Variants in DYNC1H1 observed in about 807,000 individuals in gnomAD.
The protein encoded by DYNC1H1 is cytoplasmic dynein 1 heavy chain 1.
A neutral mutation model predicts 527.1 loss-of-function variants in DYNC1H1; 51 were observed. The observed-to-expected ratio is 0.10, with a 90% CI of 0.08 to 0.12. DYNC1H1 has a LOEUF of 0.12. Among genes scored for constraint, DYNC1H1 ranks in the 10% least tolerant of loss-of-function variants. DYNC1H1 has a pLI of 1.00. For missense variants in DYNC1H1, 2,771 were observed against 5,971.8 expected, an observed-to-expected ratio of 0.46 and a Z score of 17.66; for synonymous variants, 2,189 against 2,278.8, an observed-to-expected ratio of 0.96 and a Z score of 1.12.
rs1260363862 is a variant in DYNC1H1 at position 102,015,725 on chromosome 14, A to G, written c.7243-131A>G. On this transcript the variant is annotated intron_variant, in intron 35 of 77. Coordinates refer to ENST00000360184, the MANE Select transcript of DYNC1H1 (RefSeq NM_001376.5). The surrounding 1 kb of genome is among the most constrained non-coding windows in gnomAD (Gnocchi z 6.9). Reference sequence around the variant, plus strand: ...GAACCACCAGGGTGAAGGAATGAGGACTGGTCATTGAAGCTTCATCCAAAA... The same window carrying G: ...GAACCACCAGGGTGAAGGAATGAGGGCTGGTCATTGAAGCTTCATCCAAAA... 1 of 1,020,512 alleles carries G rather than the reference A, an allele frequency of 9.8e-7. No homozygotes were observed. Among genetic ancestry groups the G allele is most frequent in the African/African-American group, 1.6e-5 (1 of 63,084 alleles). 63.2% of individuals were successfully genotyped at this position (1,020,512 alleles called of 1,614,324 possible).
At chr14:101,968,985 G>A (rs1169454183) in intron 1 of DYNC1H1, among the ~76,000 whole-genome samples, 1 of 152,120 alleles carries the variant, frequency 6.6e-6, no homozygotes, top group African/African-American at 2.4e-5. Context: ...GTGGAAAATT[G>A]TACTATTGGC....
intron 4 of DYNC1H1, among the ~76,000 whole-genome samples, 156 bp from the exon 5 acceptor site, chr14:101,980,208 A>C (rs367786667): frequency 6.6e-6 from 1 of 152,244 alleles, no homozygotes; most frequent in Non-Finnish European, 1.5e-5. Flanking sequence ...CAGCAGTCGT[A>C]TACCTTTGAT....
intron 18 of DYNC1H1, 174 bp downstream of exon 18, chr14:102,000,573 CTTTTTT>C (rs11381677): frequency 3.6e-5 from 15 of 420,126 alleles, no homozygotes; most frequent in East Asian, 1.1e-4. Context: ...ATTTTGAAAC[CTTTTTT>C]TTTTTTTTTT....
chr14:102,030,055 AGAGTGT>A, intron 50 of DYNC1H1, 101 bp from the exon 51 acceptor site: 1 of 1,561,046 alleles, frequency 6.4e-7, no homozygotes, highest in South Asian at 1.1e-5. Flanking sequence ...GGAGGGAGAG[AGAGTGT>A]GTGTGTGTGT....
At chr14:101,971,085 CTTTTTTTTTTTTTTTT>C (rs780745783) in intron 1 of DYNC1H1, among the ~76,000 whole-genome samples, 3 of 64,072 alleles carry the variant, frequency 4.7e-5, no homozygotes, top group Admixed American at 2.1e-4. Flanking sequence ...CCGTATCATT[CTTTTTTTTTTTTTTTT>C]TTTTTTTTTT....
Position 102,039,475 on chromosome 14 carries a change from G to A in DYNC1H1, c.11524G>A (p.Glu3842Lys). 2 of 1,614,188 alleles carry A rather than the reference G, an allele frequency of 1.2e-6. No individual in the cohort carries two copies. The highest frequency in any genetic ancestry group is 1.7e-6 in the Non-Finnish European group (2 of 1,180,048). The change falls in exon 61 of 78, where the codon GAG becomes AAG. Residue 3842 changes from glutamate to lysine, a missense_variant. Glu to Lys is a moderately conservative substitution (Grantham distance 56, BLOSUM62 1). Transcript: ENST00000360184. The surrounding 1 kb of genome is among the most constrained non-coding windows in gnomAD (Gnocchi z 7.0). ...GGACATTTATCACAACGTCCTATAC[G>A]AGAACCCGAACCTGAAGGGTGTCAC... is the stretch of plus-strand genomic sequence containing the variant. ...FLDIYHNVLY[E>K]NPNLKGVTDH...
chr14:102,017,150 C>G lies in DYNC1H1; in HGVS notation c.7911C>G (p.His2637Gln). 2 of 1,614,248 alleles carry G rather than the reference C, an allele frequency of 1.2e-6. No homozygotes were observed. Among genetic ancestry groups the G allele is most frequent in the Non-Finnish European group, 1.7e-6 (2 of 1,180,052 alleles). ...TPELLLKTFD[H>Q]YCEYRRTPNG... Reference sequence around the variant, plus strand: ...AGCTGCTTCTGAAGACTTTTGATCACTACTGCGAGTACAGGCGCACACCTA... The same window carrying G: ...AGCTGCTTCTGAAGACTTTTGATCAGTACTGCGAGTACAGGCGCACACCTA... The change falls in exon 39 of 78, where the codon CAC (histidine) becomes CAG (glutamine). Residue 2637 changes from histidine (H) to glutamine (Q), a missense_variant. Coordinates refer to ENST00000360184, the MANE Select transcript of DYNC1H1 (RefSeq NM_001376.5). This position sits in a 1 kb window ranked among gnomAD's most constrained non-coding sequence, Gnocchi z 4.6.
intron 57 of DYNC1H1, chr14:102,037,990 G>A (rs1164644896): frequency 6.5e-6 from 2 of 306,310 alleles, no homozygotes; most frequent in South Asian, 3.1e-5. Flanking sequence ...CCCATGGCTA[G>A]TGTGACTAGG....
In DYNC1H1 at chr14:102,015,347, G is replaced by T; in HGVS notation, c.7242+15G>T. 6.2e-7 allele frequency: 1 copy of T among 1,602,086 alleles called. No individual in the cohort carries two copies. The highest frequency in any genetic ancestry group is 1.1e-5 in the South Asian group (1 of 89,700). On this transcript the variant is annotated intron_variant, in intron 35 of 77. Coordinates refer to ENST00000360184, the MANE Select transcript of DYNC1H1 (RefSeq NM_001376.5). The surrounding 1 kb of genome is among the most constrained non-coding windows in gnomAD (Gnocchi z 6.9). ...CCATGCTGCAGGTACGCCCAGGTGG[G>T]ACCCCACATATCATGACCTGAGGGT...
At position 102,055,554 on chromosome 14, in the gene DYNC1H1, AC is replaced by A. The variant is rs2048867702; in HGVS notation, c.*4997del. 6.7e-6 allele frequency: 1 copy of A among 150,158 alleles called. No homozygotes were observed. Among genetic ancestry groups the A allele is most frequent in the Non-Finnish European group, 1.5e-5 (1 of 67,542 alleles). The allele number at this position is 150,158 out of a possible 1,614,324, so 9.3% of individuals were successfully genotyped here. ...ACTGCCCTCCGGACATCTGTTCAGCACCCCCCTCGACCTGGCCAAGGCTCCA... is the reference window on the plus strand; with the variant it reads ...ACTGCCCTCCGGACATCTGTTCAGCACCCCCTCGACCTGGCCAAGGCTCCA... On this transcript the variant is annotated 3_prime_UTR_variant, in exon 78 of 78. Transcript: ENST00000360184.
chr14:102,020,201 C>A lies in DYNC1H1; in HGVS notation c.8507+145C>A. 2 of 1,155,662 alleles carry A rather than the reference C, an allele frequency of 1.7e-6. No homozygotes were observed. The highest frequency in any genetic ancestry group is 2.5e-6 in the Non-Finnish European group (2 of 801,380). 71.6% of individuals were successfully genotyped at this position (1,155,662 alleles called of 1,614,324 possible). A position where few individuals can be genotyped will look rare whatever the true frequency, so the allele number is the denominator to read the frequency against. ...GTGGAAGGAGCAGAGTCAGCCAGGG[C>A]AGCCTCCCGTCTGGACACTGGTCAC... On this transcript the variant is annotated intron_variant, in intron 42 of 77. Transcript: ENST00000360184. The surrounding 1 kb of genome is among the most constrained non-coding windows in gnomAD (Gnocchi z 4.3).
Position 101,986,374 on chromosome 14 carries a change from A to T in DYNC1H1, c.2149A>T (p.Ile717Phe). The change falls in exon 8 of 78, where the codon ATT (isoleucine) becomes TTT (phenylalanine). Residue 717 changes from isoleucine to phenylalanine, a missense_variant. Physicochemically the swap from Ile to Phe is conservative, Grantham distance 21. Coordinates refer to ENST00000360184, the MANE Select transcript of DYNC1H1 (RefSeq NM_001376.5). The surrounding 1 kb of genome is among the most constrained non-coding windows in gnomAD (Gnocchi z 8.7). ...GCGCAACCTCGGTGTCTCGGGGCGC[A>T]TTTTCACCATCGAAAGTACTCGGGT... ...QQRNLGVSGR[I>F]FTIESTRVRG... The T allele has an allele frequency of 6.2e-7, 1 of 1,614,108 alleles. No individual in the cohort carries two copies. The highest frequency in any genetic ancestry group is 8.5e-7 in the Non-Finnish European group (1 of 1,179,994).
rs1410521732 is a variant in DYNC1H1, at chr14:102,011,964, C to G, written c.6708C>G (p.Val2236=). ...GTGGGAAGAGCATGGCCTGGCGTGT[C>G]CTGCTGAAGGCATTGGAGAGACTCG... The part of the protein sequence containing the change: ...SGSGKSMAWR[V]LLKALERLEG... Residue 2236 remains valine, a synonymous_variant, in exon 33 of 78, where the codon GTC becomes GTG. Transcript: ENST00000360184. This position sits in a 1 kb window ranked among gnomAD's most constrained non-coding sequence, Gnocchi z 5.3. The G allele has an allele frequency of 6.2e-7, 1 of 1,614,064 alleles. No homozygotes were observed. The highest frequency in any genetic ancestry group is 1.1e-5 in the South Asian group (1 of 91,074).
At chr14:101,998,686 G>A (rs1005827831) in intron 16 of DYNC1H1, among the ~76,000 whole-genome samples, 2 of 152,056 alleles carry the variant, frequency 1.3e-5, no homozygotes, top group Admixed American at 1.3e-4. Flanking sequence ...GGCCCCTGCA[G>A]GTTCTACTGT....
At chr14:102,043,490 A>C (rs1210717786) in intron 69 of DYNC1H1, 25 of 349,910 alleles carry the variant, frequency 7.1e-5, no homozygotes, top group Non-Finnish European at 1.7e-5. Context: ...CCCCCAGCAC[A>C]GGCCCCCAAG....
chr14:101,975,866 T>G (rs571021227), intron 2 of DYNC1H1, 67 bp downstream of exon 2: 132 of 1,301,452 alleles, frequency 1.0e-4, no homozygotes, highest in Non-Finnish European at 1.4e-4. Flanking sequence ...GAATCTTTTT[T>G]CTTTTCAAAC....
At position 102,015,722 on chromosome 14, in the gene DYNC1H1, AGGACT is replaced by A; in HGVS notation, c.7243-131_7243-127del. The A allele has an allele frequency of 1.0e-6, 1 of 1,003,818 alleles. No homozygotes were observed. The highest frequency in any genetic ancestry group is 1.4e-5 in the South Asian group (1 of 71,156). 62.2% of individuals were successfully genotyped at this position (1,003,818 alleles called of 1,614,324 possible). On this transcript the variant is annotated intron_variant, in intron 35 of 77. Transcript: ENST00000360184. This position sits in a 1 kb window ranked among gnomAD's most constrained non-coding sequence, Gnocchi z 6.9. ...TGAGAACCACCAGGGTGAAGGAATG[AGGACT>A]GGTCATTGAAGCTTCATCCAAAATG...
chr14:102,050,449 C>G lies in DYNC1H1; in HGVS notation c.13827C>G (p.Val4609=), dbSNP rs752364441. ...TGCTTCTGCAGGTAACCTTACCTGTCTACCTGAACTTCACCCGTGCAGACC... is the reference window on the plus strand; with the variant it reads ...TGCTTCTGCAGGTAACCTTACCTGTGTACCTGAACTTCACCCGTGCAGACC... The part of the protein sequence containing the change: ...EKKASVVTLP[V]YLNFTRADLI... Residue 4609 remains valine (V), a synonymous_variant, in exon 78 of 78, where the codon GTC becomes GTG. Transcript: ENST00000360184. The G allele has an allele frequency of 2.2e-5, 35 of 1,614,090 alleles. No individual in the cohort carries two copies. The highest frequency in any genetic ancestry group is 3.0e-5 in the Non-Finnish European group (35 of 1,180,046).
Position 102,042,464 on chromosome 14 carries a change from A to G in DYNC1H1, c.12356A>G (p.His4119Arg). The G allele has an allele frequency of 6.2e-7, 1 of 1,614,136 alleles. No individual in the cohort carries two copies. The highest frequency in any genetic ancestry group is 8.5e-7 in the Non-Finnish European group (1 of 1,180,034). Residue 4119 changes from histidine (H) to arginine (R), a missense_variant, in exon 68 of 78, where the codon CAT (histidine) becomes CGT (arginine). Coordinates refer to ENST00000360184, the MANE Select transcript of DYNC1H1 (RefSeq NM_001376.5). The surrounding 1 kb of genome is among the most constrained non-coding windows in gnomAD (Gnocchi z 5.7). ...AAGAAGTTGCATTCCCTGCAGCCGC[A>G]TGCCTGCTTCCGACTCTTCCTCACC... ...LEKKLHSLQP[H>R]ACFRLFLTME...
Sources: gnomAD v4.1 joint callset for allele counts (sites outside exome capture counted in the v4.1 genomes callset) on GRCh38, gnomAD v4.1.1 for gene constraint, Gnocchi (gnomAD v3.1) non-coding constraint, MANE v1.5 for transcripts, NCBI Gene and HGNC (gene_info 2026-07-23, HGNC 2026-07-21) for gene names.